Variants in BCL9 observed in about 807,000 individuals in gnomAD.
The protein encoded by BCL9 is BCL9 transcription coactivator.
In BCL9, 25 loss-of-function variants were observed where a neutral mutation model predicts 88.5. The ratio of observed to expected loss-of-function variants is 0.28; its 90% CI spans 0.21 to 0.39. The LOEUF (loss-of-function observed/expected upper bound fraction) is 0.39. Ranked by LOEUF, BCL9 falls within the 10% of genes least tolerant of loss-of-function variation. The pLI is 1.00. For synonymous variants in BCL9, 711 were observed against 673.3 expected, an observed-to-expected ratio of 1.06 and a Z score of -0.87; for missense variants, 1,817 against 1,877.8, an observed-to-expected ratio of 0.97 and a Z score of 0.60.
chr1:147,614,944 T>C (rs1553203578), intron 6 of BCL9, among the ~76,000 whole-genome samples: 1 of 151,080 alleles, frequency 6.6e-6, no homozygotes, highest in Non-Finnish European at 1.5e-5. Flanking sequence ...GATCAAGCAA[T>C]TCATCTGCCT....
At chr1:147,546,742 C>T (rs782360196) in intron 1 of BCL9, among the ~76,000 whole-genome samples, 1 of 152,150 alleles carries the variant, frequency 6.6e-6, no homozygotes, top group Admixed American at 6.5e-5. Flanking sequence ...CATTCCTATA[C>T]GTCTATATCT....
intron 1 of BCL9, among the ~76,000 whole-genome samples, chr1:147,577,883 CATG>C (rs1656182984): frequency 7.4e-6 from 1 of 134,896 alleles, no homozygotes; most frequent in Non-Finnish European, 1.6e-5. Context: ...TAAATGTCTT[CATG>C]ATATCAAGCT....
At chr1:147,569,454 C>T (rs1557829514) in intron 1 of BCL9, among the ~76,000 whole-genome samples, 1 of 138,278 alleles carries the variant, frequency 7.2e-6, no homozygotes, top group African/African-American at 2.7e-5. Flanking sequence ...CATGGTGAAA[C>T]CCTGTCTCTA....
chr1:147,568,862 C>T (rs1655734842), intron 1 of BCL9, among the ~76,000 whole-genome samples: 1 of 152,142 alleles, frequency 6.6e-6, no homozygotes, highest in South Asian at 2.1e-4. Flanking sequence ...TCTTGTTTCT[C>T]CTACCATTCT....
At chr1:147,591,603 G>A (rs1656847948) in intron 1 of BCL9, among the ~76,000 whole-genome samples, 1 of 152,134 alleles carries the variant, frequency 6.6e-6, no homozygotes, top group Non-Finnish European at 1.5e-5. Flanking sequence ...AACAGCGACT[G>A]CCATTATGTT....
intron 4 of BCL9, among the ~76,000 whole-genome samples, chr1:147,612,150 C>T (rs782172151): frequency 9.9e-5 from 15 of 152,228 alleles, no homozygotes; most frequent in East Asian, 5.8e-4. Context: ...AAAGCACAAA[C>T]GAAAGGACCA....
chr1:147,612,129 A>G (rs587759594), intron 4 of BCL9, among the ~76,000 whole-genome samples: 1 of 151,970 alleles, frequency 6.6e-6, no homozygotes, highest in Non-Finnish European at 1.5e-5. Context: ...CTCTCCCCGC[A>G]CCTCCCTGCC....
At position 147,614,523 on chromosome 1, in the gene BCL9, C is replaced by G. The variant is rs369834661; in HGVS notation, c.467C>G (p.Pro156Arg). The change falls in exon 6 of 10, where the codon CCC becomes CGC. Residue 156 changes from proline (P) to arginine (R), a missense_variant. Physicochemically the swap from Pro to Arg is moderately radical, Grantham distance 103. This residue lies in a region of BCL9 where 1,228 missense variants were observed against 1,191.6 expected (regional missense o/e 1.03). Coordinates refer to ENST00000234739, the MANE Select transcript of BCL9 (RefSeq NM_004326.4). ...SNATAPRSSTPSHGQTTATEP... is the reference protein window; with the variant it reads ...SNATAPRSSTRSHGQTTATEP... ...GCTACAGCCCCCAGGTCTTCTACCCCCTCCCATGGCCAAACTACTGCCACA... is the reference window on the plus strand; with the variant it reads ...GCTACAGCCCCCAGGTCTTCTACCCGCTCCCATGGCCAAACTACTGCCACA... 1.4e-5 allele frequency: 22 copies of G among 1,613,902 alleles called. No individual in the cohort carries two copies. Among genetic ancestry groups the G allele is most frequent in the Middle Eastern group, 1.6e-4 (1 of 6,084 alleles).
chr1:147,566,364 T>C (rs1347608127), intron 1 of BCL9, among the ~76,000 whole-genome samples: 1 of 152,182 alleles, frequency 6.6e-6, no homozygotes, highest in Non-Finnish European at 1.5e-5. Flanking sequence ...CTAGGTTTTG[T>C]GGAGCCTGAA....
At chr1:147,566,312 T>C (rs1553196666) in intron 1 of BCL9, among the ~76,000 whole-genome samples, 1 of 152,168 alleles carries the variant, frequency 6.6e-6, no homozygotes, top group Non-Finnish European at 1.5e-5. Context: ...AGAGGTTAGC[T>C]GGGTACCTGA....
Position 147,624,456 on chromosome 1 carries a change from C to G in BCL9, c.3778C>G (p.Arg1260Gly). ...TTTCCCTCGAGGGGAAGTTCCAGGC[C>G]GTAAACAGCCCCAGGGTCCTGGACC... Reference protein sequence around the residue: ...QYFPRGEVPGRKQPQGPGPGF... With the variant: ...QYFPRGEVPGGKQPQGPGPGF... Residue 1260 changes from arginine to glycine, a missense_variant, in exon 10 of 10, where the codon CGT becomes GGT. Physicochemically the swap from Arg to Gly is moderately radical, Grantham distance 125. Transcript: ENST00000234739. The surrounding 1 kb of genome is among the most constrained non-coding windows in gnomAD (Gnocchi z 4.4). The G allele has an allele frequency of 6.2e-7, 1 of 1,614,202 alleles. No homozygotes were observed. Among genetic ancestry groups the G allele is most frequent in the Non-Finnish European group, 8.5e-7 (1 of 1,180,028 alleles).
chr1:147,581,207 T>C lies in BCL9; in HGVS notation c.-477-23570T>C, dbSNP rs587694981. Among the ~76,000 whole-genome samples, 52 of 152,326 alleles carry C rather than the reference T, an allele frequency of 3.4e-4. 1 individual carries two copies. In the South Asian group the frequency reaches 0.011, roughly 31 times the overall value. The stretch of plus-strand genomic sequence containing the variant: ...ATAACACTGGGAAAAGGCTTCCTTA[T>C]TGGCTTCTTCTTAGAATTAAATGAA... On this transcript the variant is annotated intron_variant, in intron 1 of 9. Transcript: ENST00000234739.
intron 1 of BCL9, among the ~76,000 whole-genome samples, chr1:147,570,652 GT>G (rs1370450132): frequency 0.76 from 91,246 of 120,106 alleles, 36,352 homozygotes; most frequent in African/African-American, 0.84. Flanking sequence ...TTTTTTTTTT[GT>G]AGATGGAGTT....
chr1:147,612,392 G>A (rs1304216361), intron 4 of BCL9, among the ~76,000 whole-genome samples: 1 of 152,178 alleles, frequency 6.6e-6, no homozygotes, highest in Non-Finnish European at 1.5e-5. Context: ...TGTTGGGAGG[G>A]ATTAGTATCC....
intron 3 of BCL9, among the ~76,000 whole-genome samples, chr1:147,608,333 T>TTTC (rs1195308617): frequency 7.0e-6 from 1 of 141,918 alleles, no homozygotes; most frequent in Non-Finnish European, 1.5e-5. Context: ...TGTTTTGCTT[T>TTTC]TTTTTTTTTT....
intron 4 of BCL9, 65 bp from the exon 5 acceptor site, chr1:147,612,814 CCTCT>C: frequency 1.3e-6 from 2 of 1,492,914 alleles, no homozygotes; most frequent in Admixed American, 1.8e-5. Flanking sequence ...ATAGAAACTG[CCTCT>C]CTCTAATTTG....
chr1:147,560,141 T>A (rs1215757369), intron 1 of BCL9, among the ~76,000 whole-genome samples: 3 of 152,124 alleles, frequency 2.0e-5, no homozygotes, highest in Admixed American at 6.5e-5. Flanking sequence ...GCTATCAAGC[T>A]TGTTGGTAGG....
At chr1:147,589,050 C>T (rs1283985810) in intron 1 of BCL9, among the ~76,000 whole-genome samples, 1 of 152,176 alleles carries the variant, frequency 6.6e-6, no homozygotes, top group African/African-American at 2.4e-5. Context: ...ATTAGCTGGA[C>T]ATGTTGTTAC....
intron 1 of BCL9, among the ~76,000 whole-genome samples, chr1:147,575,301 G>T (rs1553197951): frequency 6.6e-6 from 1 of 152,190 alleles, no homozygotes; most frequent in African/African-American, 2.4e-5. Flanking sequence ...TTGGTTTCCT[G>T]ACACAGCTCC....
Sources: gnomAD v4.1 joint callset for allele counts (sites outside exome capture counted in the v4.1 genomes callset) on GRCh38, gnomAD v4.1.1 for gene constraint, gnomAD v4.1.1 regional missense constraint, Gnocchi (gnomAD v3.1) non-coding constraint, MANE v1.5 for transcripts, NCBI Gene and HGNC (gene_info 2026-07-23, HGNC 2026-07-21) for gene names.